FRMD4B: variants seen among roughly 807,000 people sequenced by gnomAD.
The protein encoded by FRMD4B is FERM domain-containing protein 4B.
In FRMD4B, 74 loss-of-function variants were observed where a neutral mutation model predicts 141.5. The observed-to-expected ratio is 0.52, with a 90% confidence interval of 0.43 to 0.63. The LOEUF (loss-of-function observed/expected upper bound fraction) is 0.63, where lower values mean the gene tolerates loss of function less well. Among genes scored for constraint, FRMD4B ranks in the 30% least tolerant of loss-of-function variants. The pLI is 0.00. For missense variants in FRMD4B, 1,366 were observed against 1,253.4 expected (o/e 1.09, Z -1.36); for synonymous variants, 506 against 467.9 (o/e 1.08, Z -1.05).
intron 2 of FRMD4B, among the ~76,000 whole-genome samples, chr3:69,312,084 A>T (rs559324537): frequency 6.6e-6 from 1 of 152,314 alleles, no homozygotes; most frequent in Admixed American, 6.5e-5. Context: ...CATCATCAAC[A>T]GTAATGAGCA....
intron 18 of FRMD4B, among the ~76,000 whole-genome samples, chr3:69,188,775 A>AAACAAAAAAAAAAAC (rs2092800769): frequency 6.8e-6 from 1 of 148,108 alleles, no homozygotes; most frequent in East Asian, 2.2e-4. Context: ...AAAAAAAAAA[A>AAACAAAAAAAAAAAC]AAAAAAAAAC....
At chr3:69,440,858 TG>T (rs1185425466) in intron 1 of FRMD4B, among the ~76,000 whole-genome samples, 2 of 152,234 alleles carry the variant, frequency 1.3e-5, no homozygotes, top group Non-Finnish European at 2.9e-5. Context: ...TTCAGAATGC[TG>T]GGGATTTTGC....
intron 1 of FRMD4B, among the ~76,000 whole-genome samples, chr3:69,503,239 T>C (rs1706532251): frequency 6.6e-6 from 1 of 152,124 alleles, no homozygotes; most frequent in Non-Finnish European, 1.5e-5. Flanking sequence ...TGCACACCTA[T>C]GTTTATTGCA....
At chr3:69,496,862 G>A (rs1288070573) in intron 1 of FRMD4B, among the ~76,000 whole-genome samples, 1 of 151,266 alleles carries the variant, frequency 6.6e-6, no homozygotes, top group Non-Finnish European at 1.5e-5. Flanking sequence ...GATTGTATCT[G>A]ACCCCCAAGA....
chr3:69,333,227 C>T (rs1218188394), intron 1 of FRMD4B, among the ~76,000 whole-genome samples: 1 of 152,272 alleles, frequency 6.6e-6, no homozygotes, highest in East Asian at 1.9e-4. Flanking sequence ...CTGCAACTGT[C>T]CTGGAGATAA....
intron 5 of FRMD4B, among the ~76,000 whole-genome samples, chr3:69,267,729 T>C: frequency 6.8e-6 from 1 of 146,594 alleles, no homozygotes; most frequent in East Asian, 2.1e-4. Context: ...GCCTCCCGGG[T>C]TCAAGTGATT....
At chr3:69,372,323 A>G (rs1371782627) in intron 1 of FRMD4B, among the ~76,000 whole-genome samples, 2 of 152,218 alleles carry the variant, frequency 1.3e-5, no homozygotes, top group Non-Finnish European at 2.9e-5. Flanking sequence ...CCAAGTGCCC[A>G]GAAAAGTGCC....
upstream of FRMD4B, among the ~76,000 whole-genome samples, chr3:69,387,558 G>A (rs556685472): frequency 6.6e-6 from 1 of 152,262 alleles, no homozygotes; most frequent in Non-Finnish European, 1.5e-5. Context: ...TGTTATCTAT[G>A]CTATTAAGTG....
chr3:69,468,300 T>C (rs890401625), intron 1 of FRMD4B, among the ~76,000 whole-genome samples: 4 of 152,198 alleles, frequency 2.6e-5, no homozygotes, highest in African/African-American at 9.7e-5. Context: ...ATTTCCTTTT[T>C]CCCTTTTCAT....
intron 11 of FRMD4B, among the ~76,000 whole-genome samples, chr3:69,215,282 C>CTTTTTTTTTTTTTTTTTTTTTTT (rs1559724064): frequency 5.3e-5 from 2 of 37,496 alleles, no homozygotes; most frequent in East Asian, 4.2e-4. Context: ...GATTGTGACC[C>CTTTTTTTTTTTTTTTTTTTTTTT]TCTTTTTTTT....
At chr3:69,441,920 T>C (rs984574431) in intron 1 of FRMD4B, among the ~76,000 whole-genome samples, 2 of 152,186 alleles carry the variant, frequency 1.3e-5, no homozygotes, top group South Asian at 4.1e-4. Flanking sequence ...GCATTCCAGG[T>C]TTCCAAGTGG....
intron 1 of FRMD4B, among the ~76,000 whole-genome samples, chr3:69,450,786 CAACAAAACAACAACAACAAA>C (rs1559530936): frequency 1.0e-4 from 7 of 67,674 alleles, no homozygotes; most frequent in African/African-American, 3.2e-4. Context: ...AAAACCCCAA[CAACAAAACAACAACAACAAA>C]AAATGTAAGC....
At chr3:69,295,400 C>A (rs149185436) in intron 4 of FRMD4B, among the ~76,000 whole-genome samples, 1 of 152,152 alleles carries the variant, frequency 6.6e-6, no homozygotes, top group African/African-American at 2.4e-5. Context: ...CCGCTCACTG[C>A]AGCCTCAATG....
intron 5 of FRMD4B, among the ~76,000 whole-genome samples, chr3:69,268,074 A>T (rs977826350): frequency 1.1e-4 from 16 of 151,952 alleles, no homozygotes; most frequent in Admixed American, 5.9e-4. Flanking sequence ...CTTCTCTCCT[A>T]TTCTGAAGTC....
intron 3 of FRMD4B, among the ~76,000 whole-genome samples, chr3:69,302,746 G>A (rs1701256999): frequency 5.9e-5 from 9 of 152,158 alleles, no homozygotes; most frequent in Admixed American, 5.9e-4. Flanking sequence ...TAACTTCGAT[G>A]TCCAAGAGGA....
At chr3:69,300,181 C>A (rs57146112) in intron 4 of FRMD4B, among the ~76,000 whole-genome samples, 1 of 152,234 alleles carries the variant, frequency 6.6e-6, no homozygotes, top group South Asian at 2.1e-4. Context: ...TCCACAGTGA[C>A]CTCGGTCAGT....
chr3:69,308,627 A>G (rs1486274273), intron 3 of FRMD4B, among the ~76,000 whole-genome samples: 1 of 151,984 alleles, frequency 6.6e-6, no homozygotes, highest in African/African-American at 2.4e-5. Flanking sequence ...TTTAGTAGAG[A>G]TGGGGTTTCA....
At chr3:69,194,223 G>A (rs1575597240) in intron 16 of FRMD4B, among the ~76,000 whole-genome samples, 1 of 152,174 alleles carries the variant, frequency 6.6e-6, no homozygotes, top group Non-Finnish European at 1.5e-5. Flanking sequence ...ATAAATTTGG[G>A]TTTGATCTTC....
chr3:69,181,677 C>T lies in FRMD4B; in HGVS notation c.2073G>A (p.Arg691=), dbSNP rs1559690086. The T allele has an allele frequency of 1.2e-6, 2 of 1,613,222 alleles. No individual in the cohort carries two copies. Among genetic ancestry groups the T allele is most frequent in the African/African-American group, 2.7e-5 (2 of 74,894 alleles). The change falls in exon 21 of 23, where the codon CGG becomes CGA. Residue 691 remains arginine, a synonymous_variant. Coordinates refer to ENST00000398540, the MANE Select transcript of FRMD4B (RefSeq NM_015123.3). ...GGGACTGGGACTCCAGGCTTCCACT[C>T]CGCTGGCGGCAGTGCTGAGATGAAG... ...PESSSQHCRQ[R]SGSLESQSHL... is the part of the protein sequence containing the mutation.
Sources: gnomAD v4.1 joint callset for allele counts (sites outside exome capture counted in the v4.1 genomes callset) on GRCh38, gnomAD v4.1.1 for gene constraint, MANE v1.5 for transcripts, NCBI Gene and HGNC (gene_info 2026-07-23, HGNC 2026-07-21) for gene names.